Variants in ANO2 observed in about 807,000 individuals in gnomAD.
ANO2 encodes the protein anoctamin-2.
Under a neutral mutation model 124.2 loss-of-function variants are expected in ANO2, and 101 were observed. That is an observed-to-expected ratio of 0.81 (90% CI 0.69 to 0.96). The LOEUF is 0.96. ANO2 is among the 40% of genes least tolerant of loss of function. The pLI, the probability that ANO2 is intolerant of heterozygous loss-of-function variation, is 0.00. For missense variants in ANO2, 1,293 were observed against 1,274.5 expected (o/e 1.01, Z -0.22); for synonymous variants, 486 against 482.5 (o/e 1.01, Z -0.09).
intron 16 of ANO2, among the ~76,000 whole-genome samples, chr12:5,629,557 T>C (rs1945595730): frequency 6.6e-6 from 1 of 152,168 alleles, no homozygotes; most frequent in Non-Finnish European, 1.5e-5. Flanking sequence ...CCCTATTTGC[T>C]GTATGTCCAG....
intron 10 of ANO2, among the ~76,000 whole-genome samples, chr12:5,760,588 A>C (rs1435069468): frequency 6.6e-6 from 1 of 152,182 alleles, no homozygotes; most frequent in South Asian, 2.1e-4. Context: ...AAAAGATGTA[A>C]AGAATAGAAA....
chr12:5,623,140 G>C (rs926807002), intron 16 of ANO2, among the ~76,000 whole-genome samples: 1 of 152,026 alleles, frequency 6.6e-6, no homozygotes, highest in Non-Finnish European at 1.5e-5. Flanking sequence ...GGAGGGGTCT[G>C]AATCTCAACC....
intron 20 of ANO2, among the ~76,000 whole-genome samples, chr12:5,591,923 G>A (rs952767987): frequency 6.6e-6 from 1 of 152,138 alleles, no homozygotes; most frequent in Non-Finnish European, 1.5e-5. Flanking sequence ...TTGGAGTTGA[G>A]GTCAGAGCCA....
intron 14 of ANO2, among the ~76,000 whole-genome samples, chr12:5,702,026 T>TA (rs1266974148): frequency 6.6e-6 from 1 of 151,916 alleles, no homozygotes; most frequent in African/African-American, 2.4e-5. Context: ...CAGAAAAAAA[T>TA]AAAAAATAAA....
intron 10 of ANO2, among the ~76,000 whole-genome samples, chr12:5,784,404 G>T (rs945838987): frequency 6.6e-5 from 10 of 152,166 alleles, no homozygotes; most frequent in Non-Finnish European, 4.4e-5. Context: ...TGTTAGCACC[G>T]TCTGAGCTGG....
chr12:5,618,224 G>A (rs1007851221), intron 16 of ANO2, among the ~76,000 whole-genome samples: 1 of 152,166 alleles, frequency 6.6e-6, no homozygotes, highest in African/African-American at 2.4e-5. Flanking sequence ...CTTCCAGCCT[G>A]TCCTATGCAC....
In ANO2 at chr12:5,895,686, G is replaced by GA. The variant is rs376634067; in HGVS notation, c.534+25353dup. On this transcript the variant is annotated intron_variant, in intron 3 of 24. Coordinates refer to ENST00000682330, the MANE Select transcript of ANO2 (RefSeq NM_001364791.2). ...AGGAACACTTTTACACTGCTGGTGG[G>GA]ATGTAAATTAGTACAATCACTATGA... is the stretch of plus-strand genomic sequence containing the variant. Among the ~76,000 whole-genome samples, 823 of 152,072 alleles carry GA rather than the reference G, an allele frequency of 5.4e-3. 6 individuals carry two copies. The highest frequency in any genetic ancestry group is 0.019 in the African/African-American group (799 of 41,488).
chr12:5,847,551 T>G (rs958880127), intron 4 of ANO2, among the ~76,000 whole-genome samples: 4 of 151,492 alleles, frequency 2.6e-5, no homozygotes, highest in African/African-American at 9.7e-5. Flanking sequence ...TAAGAGGTGC[T>G]GCAGTCCTGG....
chr12:5,599,654 C>T (rs1168094320), intron 19 of ANO2, 25 bp from the exon 20 acceptor site: 8 of 1,610,142 alleles, frequency 5.0e-6, no homozygotes, highest in Non-Finnish European at 6.8e-6. Flanking sequence ...GATTAAGTTA[C>T]AAAAAGCCTC....
intron 12 of ANO2, chr12:5,740,455 C>T (rs1221122056): frequency 6.1e-6 from 1 of 163,192 alleles, no homozygotes; most frequent in Non-Finnish European, 1.4e-5. Flanking sequence ...ACTAAGGTAT[C>T]TGCAATGTAC....
intron 9 of ANO2, among the ~76,000 whole-genome samples, 162 bp from the exon 10 acceptor site, chr12:5,799,733 A>G (rs1952984604): frequency 6.6e-6 from 1 of 152,202 alleles, no homozygotes; most frequent in African/African-American, 2.4e-5. Context: ...GGCTATGGAA[A>G]CTGGCTTCTC....
intron 20 of ANO2, among the ~76,000 whole-genome samples, chr12:5,594,302 G>A (rs10774348): frequency 0.54 from 82,804 of 152,036 alleles, 24,105 homozygotes; most frequent in Admixed American, 0.67. Context: ...GAATTGATAA[G>A]TGAATTCTTG....
chr12:5,615,266 C>A lies in ANO2; in HGVS notation c.1848G>T (p.Glu616Asp). ...GCAAGAAAGCTTTGAGGATCAGGCGCTCTTCAAAAGTCTGTTCTGTTTTCG... is the reference window on the plus strand; with the variant it reads ...GCAAGAAAGCTTTGAGGATCAGGCGATCTTCAAAAGTCTGTTCTGTTTTCG... ...EVPKTEQTFEERLILKAFLLK... is the reference protein window; with the variant it reads ...EVPKTEQTFEDRLILKAFLLK... Residue 616 changes from glutamate to aspartate, a missense_variant, in exon 17 of 25, where the codon GAG becomes GAT. Transcript: ENST00000682330. The A allele has an allele frequency of 6.2e-7, 1 of 1,613,590 alleles. No homozygotes were observed. The highest frequency in any genetic ancestry group is 8.5e-7 in the Non-Finnish European group (1 of 1,179,740).
intron 3 of ANO2, among the ~76,000 whole-genome samples, chr12:5,873,156 C>A (rs1471480984): frequency 2.0e-5 from 3 of 150,324 alleles, no homozygotes; most frequent in Non-Finnish European, 3.0e-5. Context: ...AGTTTATAAG[C>A]CCTACCAGAA....
intron 7 of ANO2, among the ~76,000 whole-genome samples, chr12:5,808,981 C>T (rs1953295706): frequency 6.6e-6 from 1 of 152,220 alleles, no homozygotes; most frequent in South Asian, 2.1e-4. Context: ...GTAGAAGTGG[C>T]TGCTCTTCCA....
At chr12:5,935,739 A>T (rs1373215405) in intron 1 of ANO2, among the ~76,000 whole-genome samples, 1 of 152,222 alleles carries the variant, frequency 6.6e-6, no homozygotes, top group Non-Finnish European at 1.5e-5. Flanking sequence ...GGGAACACAG[A>T]GGGGTTCTCA....
rs148620926 is a variant in ANO2 at position 5,814,293 on chromosome 12, G to A, written c.893-6925C>T. 3.3e-3 allele frequency among the ~76,000 whole-genome samples: 501 copies of A among 152,254 alleles called. 3 individuals are homozygous for A. The highest frequency in any genetic ancestry group is 0.012 in the African/African-American group (481 of 41,548). ...TTGTAAATGGTTTCTCTATACATAT[G>A]CCCACCTTGAATTACCCTAATTGGG... On this transcript the variant is annotated intron_variant, in intron 7 of 24. Coordinates refer to ENST00000682330, the MANE Select transcript of ANO2 (RefSeq NM_001364791.2).
intron 11 of ANO2, among the ~76,000 whole-genome samples, chr12:5,748,143 C>T (rs1308232794): frequency 6.6e-6 from 1 of 152,240 alleles, no homozygotes; most frequent in African/African-American, 2.4e-5. Flanking sequence ...CTGTGTGCAT[C>T]TGTGCATAGA....
chr12:5,940,856 C>T (rs1389777085), intron 1 of ANO2, among the ~76,000 whole-genome samples: 1 of 152,098 alleles, frequency 6.6e-6, no homozygotes, highest in East Asian at 1.9e-4. Context: ...ACACAAATGC[C>T]CATGAACTGG....
Sources: allele counts gnomAD v4.1 joint callset (sites outside exome capture counted in the v4.1 genomes callset), GRCh38; gene constraint gnomAD v4.1.1; transcripts MANE v1.5; gene names NCBI Gene and HGNC (gene_info 2026-07-23, HGNC 2026-07-21).